SNX14: variants seen among roughly 807,000 people sequenced by gnomAD.
SNX14 encodes the protein sorting nexin-14.
A neutral mutation model predicts 133.8 loss-of-function variants in SNX14; 93 were observed. The ratio of observed to expected loss-of-function variants is 0.70; its 90% CI spans 0.59 to 0.83. The LOEUF is 0.83. SNX14 is among the 40% of genes least tolerant of loss of function. The pLI is 0.00. For synonymous variants in SNX14, 368 were observed against 365.6 expected (o/e 1.01, Z -0.07); for missense variants, 945 against 1,094.9 (o/e 0.86, Z 1.93).
intron 12 of SNX14, 128 bp downstream of exon 12, chr6:85,546,984 A>AT: frequency 8.0e-6 from 5 of 624,372 alleles, no homozygotes; most frequent in East Asian, 3.0e-5. Flanking sequence ...AAAAAAAAAA[A>AT]GGAAATCGAG....
At chr6:85,552,076 G>A (rs933048746) in intron 7 of SNX14, among the ~76,000 whole-genome samples, 1 of 128,446 alleles carries the variant, frequency 7.8e-6, no homozygotes, top group Non-Finnish European at 1.5e-5. Context: ...TCGCTCTGTC[G>A]CCCAGGCTGG....
chr6:85,511,577 C>T (rs954591089), intron 26 of SNX14, among the ~76,000 whole-genome samples: 2 of 152,184 alleles, frequency 1.3e-5, no homozygotes, highest in African/African-American at 4.8e-5. Context: ...GGATGTTCCC[C>T]TCTCTTCCTA....
At chr6:85,514,424 G>C (rs1296070546) in intron 24 of SNX14, 82 bp downstream of exon 24, 16 of 1,517,856 alleles carry the variant, frequency 1.1e-5, no homozygotes, top group Non-Finnish European at 1.3e-5. Context: ...CAGTTATGAT[G>C]GGGCAATACT....
chr6:85,562,809 C>A (rs1445735108), intron 6 of SNX14, among the ~76,000 whole-genome samples: 1 of 152,012 alleles, frequency 6.6e-6, no homozygotes, highest in African/African-American at 2.4e-5. Flanking sequence ...CCAGGCTGAT[C>A]TCGAACTCCC....
In SNX14 at chr6:85,565,308, A is replaced by C. The variant is rs749770054; in HGVS notation, c.549+24T>G. 8 of 1,486,356 alleles carry C rather than the reference A, an allele frequency of 5.4e-6. No homozygotes were observed. In the Admixed American group the frequency reaches 1.3e-4, roughly 25 times the overall value. The allele number at this position is 1,486,356 out of a possible 1,614,324, so 92.1% of individuals were successfully genotyped here. On this transcript the variant is annotated intron_variant, in intron 6 of 28. Transcript: ENST00000314673. Reference sequence around the variant, plus strand: ...TTAAATGATAAAGCCCCAAATTCCCAAATTTCTCATTAAAAATATATACCT... The same window carrying C: ...TTAAATGATAAAGCCCCAAATTCCCCAATTTCTCATTAAAAATATATACCT...
chr6:85,549,373 CA>C (rs1456007485), intron 8 of SNX14, among the ~76,000 whole-genome samples: 1 of 151,966 alleles, frequency 6.6e-6, no homozygotes, highest in Admixed American at 6.6e-5. Context: ...ATAGTTTGTT[CA>C]AATGTTTCTG....
intron 1 of SNX14, among the ~76,000 whole-genome samples, chr6:85,584,874 T>A (rs543691866): frequency 6.6e-6 from 1 of 152,180 alleles, no homozygotes. Context: ...AGAAATACCA[T>A]TTGACCCAGC....
intron 21 of SNX14, among the ~76,000 whole-genome samples, chr6:85,518,492 G>A (rs1314100611): frequency 1.3e-5 from 2 of 152,098 alleles, no homozygotes; most frequent in African/African-American, 2.4e-5. Context: ...TATTTCAGTA[G>A]TTTATATTCT....
intron 4 of SNX14, among the ~76,000 whole-genome samples, chr6:85,571,574 A>G (rs1795619073): frequency 6.6e-6 from 1 of 152,198 alleles, no homozygotes; most frequent in Admixed American, 6.5e-5. Flanking sequence ...ATGAGACTCC[A>G]TTCCTTGCCT....
In SNX14 at chr6:85,536,843, C is replaced by T. The variant is rs1782122831; in HGVS notation, c.1557G>A (p.Met519Ile). 6.2e-7 allele frequency: 1 copy of T among 1,613,290 alleles called. No individual in the cohort carries two copies. The highest frequency in any genetic ancestry group is 1.7e-5 in the Admixed American group (1 of 59,976). Residue 519 changes from methionine to isoleucine, a missense_variant, in exon 17 of 29, where the codon ATG (methionine) becomes ATA (isoleucine). This residue lies in a region of SNX14 where 412 missense variants were observed against 516.6 expected (regional missense o/e 0.80). Coordinates refer to ENST00000314673, the MANE Select transcript of SNX14 (RefSeq NM_153816.6). Reference sequence around the variant, plus strand: ...CATAATTAGGCAACATAGCTCCCTCCATTGTGGTACTTTTGAATACTCCTT... The same window carrying T: ...CATAATTAGGCAACATAGCTCCCTCTATTGTGGTACTTTTGAATACTCCTT... ...KIKGVFKSTT[M>I]EGAMLPNYGV...
chr6:85,587,003 G>A (rs568225529), intron 1 of SNX14, among the ~76,000 whole-genome samples: 2 of 152,086 alleles, frequency 1.3e-5, no homozygotes, highest in South Asian at 4.2e-4. Context: ...CCAAGATCAC[G>A]CCACTGCACT....
intron 13 of SNX14, 133 bp from the exon 14 acceptor site, chr6:85,543,439 AAT>A: frequency 1.9e-6 from 2 of 1,060,614 alleles, no homozygotes; most frequent in Non-Finnish European, 2.6e-6. Context: ...AGTTCTGACA[AAT>A]ACATAAAGTA....
At position 85,517,759 on chromosome 6, in the gene SNX14, C is replaced by G; in HGVS notation, c.2265G>C (p.Lys755Asn). 1 of 1,595,172 alleles carries G rather than the reference C, an allele frequency of 6.3e-7. No homozygotes were observed. Among genetic ancestry groups the G allele is most frequent in the Non-Finnish European group, 8.5e-7 (1 of 1,175,284 alleles). Residue 755 changes from lysine (K) to asparagine (N), a missense_variant, in exon 23 of 29, where the codon AAG (lysine) becomes AAC (asparagine). Transcript: ENST00000314673. ...TCTTTAATGCAATGTGCAGTACCTT[C>G]TTGTTGTTTTCTGAAGTAGGGCTGA... Reference protein sequence around the residue: ...TILSPTSENNKKLFNDLFKNN... With the variant: ...TILSPTSENNNKLFNDLFKNN...
intron 1 of SNX14, among the ~76,000 whole-genome samples, chr6:85,588,166 C>T (rs1325647613): frequency 6.6e-6 from 1 of 152,150 alleles, no homozygotes; most frequent in Non-Finnish European, 1.5e-5. Flanking sequence ...TATATATAGT[C>T]CCAGCTACTG....
chr6:85,568,736 T>C (rs1049165623), intron 4 of SNX14, among the ~76,000 whole-genome samples: 1 of 152,204 alleles, frequency 6.6e-6, no homozygotes, highest in Non-Finnish European at 1.5e-5. Flanking sequence ...TTGTGAATTC[T>C]CTAGTTTAAA....
At position 85,547,503 on chromosome 6, in the gene SNX14, C is replaced by T. The variant is rs1463334288; in HGVS notation, c.912+3G>A. ...AGTGTTTTCTAATATATTCAATACT[C>T]ACTGGACTGTCATCTATGAAGATGA... On this transcript the variant is annotated splice_donor_region_variant and intron_variant, in intron 10 of 28. Transcript: ENST00000314673. 7 of 1,604,784 alleles carry T rather than the reference C, an allele frequency of 4.4e-6. No homozygotes were observed. Among genetic ancestry groups the T allele is most frequent in the Non-Finnish European group, 5.9e-6 (7 of 1,177,038 alleles).
At chr6:85,508,464 G>A in intron 26 of SNX14, 2 of 824,754 alleles carry the variant, frequency 2.4e-6, no homozygotes, top group Non-Finnish European at 2.9e-6. Context: ...AAAAATGTAA[G>A]GATTAACACC....
intron 5 of SNX14, among the ~76,000 whole-genome samples, chr6:85,566,758 G>A (rs901173502): frequency 6.6e-6 from 1 of 151,864 alleles, no homozygotes; most frequent in Non-Finnish European, 1.5e-5. Flanking sequence ...TAAAATCAGG[G>A]TAGATGTCAT....
chr6:85,566,908 TAA>T (rs1794050573), intron 5 of SNX14, among the ~76,000 whole-genome samples: 1 of 152,098 alleles, frequency 6.6e-6, no homozygotes, highest in Non-Finnish European at 1.5e-5. Flanking sequence ...CTGTCAAATC[TAA>T]AGTATTTTCT....
Sources: allele counts gnomAD v4.1 joint callset (sites outside exome capture counted in the v4.1 genomes callset), GRCh38; gene constraint gnomAD v4.1.1; regional missense constraint gnomAD v4.1.1; transcripts MANE v1.5; gene names NCBI Gene and HGNC (gene_info 2026-07-23, HGNC 2026-07-21).